The following TPTE variants were observed in gnomAD, a reference collection of about 807,000 sequenced individuals.
TPTE encodes the protein transmembrane phosphatase with tensin homology.
In TPTE, 59 loss-of-function variants were observed where a neutral mutation model predicts 84.1. That is an observed-to-expected ratio of 0.70 (90% CI 0.57 to 0.87). The LOEUF (loss-of-function observed/expected upper bound fraction) is 0.87, where lower values mean the gene tolerates loss of function less well. TPTE is among the 40% of genes least tolerant of loss of function. The pLI is 0.00. For synonymous variants in TPTE, 130 were observed against 223.5 expected (o/e 0.58, Z 3.73); for missense variants, 382 against 659.6 (o/e 0.58, Z 4.61).
At chr21:10,550,318 TA>T (rs1198762976) in intron 7 of TPTE, among the ~76,000 whole-genome samples, 205 of 152,308 alleles carry the variant, frequency 1.3e-3, no homozygotes, top group African/African-American at 4.8e-3. Context: ...AAGACCCCAC[TA>T]TATTTTATCT....
At chr21:10,601,065 T>A (rs1179876059) in intron 21 of TPTE, among the ~76,000 whole-genome samples, 4 of 152,430 alleles carry the variant, frequency 2.6e-5, no homozygotes, top group African/African-American at 9.6e-5. Flanking sequence ...TGAATGTCAA[T>A]GCTAGCTTTA....
At chr21:10,528,226 ATGT>A (rs1448661289) in intron 3 of TPTE, among the ~76,000 whole-genome samples, 1 of 152,250 alleles carries the variant, frequency 6.6e-6, no homozygotes, top group Non-Finnish European at 1.5e-5. Flanking sequence ...GTATACATTT[ATGT>A]TGTTTCTTAC....
chr21:10,572,364 A>G (rs2075061733), intron 14 of TPTE, among the ~76,000 whole-genome samples: 2 of 151,920 alleles, frequency 1.3e-5, no homozygotes, highest in African/African-American at 4.8e-5. Flanking sequence ...AATCACGAGA[A>G]TTGCTTAAAC....
intron 7 of TPTE, among the ~76,000 whole-genome samples, chr21:10,545,649 C>A (rs1336266544): frequency 6.6e-6 from 1 of 152,212 alleles, no homozygotes; most frequent in Non-Finnish European, 1.5e-5. Context: ...CACACACACA[C>A]ACATATAACA....
chr21:10,568,578 C>T (rs1231937101), intron 11 of TPTE, among the ~76,000 whole-genome samples: 1 of 152,312 alleles, frequency 6.6e-6, no homozygotes, highest in East Asian at 1.9e-4. Flanking sequence ...TTTTTGTACC[C>T]TAGCTTCCCT....
intron 3 of TPTE, among the ~76,000 whole-genome samples, chr21:10,529,182 T>TG (rs2074134054): frequency 1.1e-5 from 1 of 91,410 alleles, no homozygotes; most frequent in Non-Finnish European, 2.2e-5. Flanking sequence ...AAACTCTGTC[T>TG]CAAAAAAAAA....
intron 14 of TPTE, among the ~76,000 whole-genome samples, chr21:10,575,951 G>A (rs529798152): frequency 1.2e-4 from 19 of 152,390 alleles, no homozygotes; most frequent in African/African-American, 4.3e-4. Context: ...TGGGAAGGTT[G>A]CAGAGACAAA....
At chr21:10,528,383 A>G (rs1178226841) in intron 3 of TPTE, among the ~76,000 whole-genome samples, 1 of 152,306 alleles carries the variant, frequency 6.6e-6, no homozygotes, top group Non-Finnish European at 1.5e-5. Flanking sequence ...AGAATTATTC[A>G]TGGGAAAATA....
intron 7 of TPTE, among the ~76,000 whole-genome samples, chr21:10,548,141 C>G (rs1277459047): frequency 2.0e-5 from 3 of 152,310 alleles, no homozygotes; most frequent in East Asian, 3.8e-4. Flanking sequence ...ACCTGTATCT[C>G]AGACCTGAGA....
intron 7 of TPTE, among the ~76,000 whole-genome samples, chr21:10,549,895 A>G (rs1261850929): frequency 1.6e-4 from 24 of 152,274 alleles, no homozygotes; most frequent in Non-Finnish European, 3.2e-4. Context: ...AAATCAAAAG[A>G]CAAAGATTTT....
intron 3 of TPTE, among the ~76,000 whole-genome samples, chr21:10,538,225 C>T (rs1173435866): frequency 6.6e-6 from 1 of 152,312 alleles, no homozygotes; most frequent in Admixed American, 6.5e-5. Context: ...GTACTCAAAA[C>T]CCCAAATACC....
intron 7 of TPTE, among the ~76,000 whole-genome samples, chr21:10,551,228 T>A (rs982938152): frequency 4.0e-5 from 6 of 149,708 alleles, no homozygotes; most frequent in Admixed American, 1.4e-4. Flanking sequence ...TAGGTGGGAA[T>A]TGAACAATGA....
intron 19 of TPTE, among the ~76,000 whole-genome samples, chr21:10,593,415 G>A (rs1198362813): frequency 6.6e-6 from 1 of 152,308 alleles, no homozygotes; most frequent in African/African-American, 2.4e-5. Context: ...TTCAAACAAA[G>A]TCCACACATT....
In TPTE at chr21:10,521,705, GCC is replaced by G; in HGVS notation, c.-211+13_-211+14del. On this transcript the variant is annotated intron_variant, in intron 1 of 23. Transcript: ENST00000618007. ...AGCTCCGCGCCCGAGGTGAGCCCAGGCCCTAAGTCCTCCGGGCGGGGGTAGGG... is the reference window on the plus strand; with the variant it reads ...AGCTCCGCGCCCGAGGTGAGCCCAGGCTAAGTCCTCCGGGCGGGGGTAGGG... 1 of 150,888 alleles carries G rather than the reference GCC, an allele frequency of 6.6e-6. No homozygotes were observed. Among genetic ancestry groups the G allele is most frequent in the South Asian group, 2.2e-4 (1 of 4,608 alleles). The allele number at this position is 150,888 out of a possible 1,614,324, so 9.3% of individuals were successfully genotyped here.
intron 3 of TPTE, among the ~76,000 whole-genome samples, chr21:10,536,882 A>G (rs1385674303): frequency 1.3e-5 from 2 of 152,304 alleles, no homozygotes; most frequent in African/African-American, 2.4e-5. Flanking sequence ...AGAAAACCCT[A>G]TGCAGAGCAA....
At chr21:10,547,293 G>A (rs1235231135) in intron 7 of TPTE, among the ~76,000 whole-genome samples, 1 of 152,310 alleles carries the variant, frequency 6.6e-6, no homozygotes, top group Non-Finnish European at 1.5e-5. Context: ...GTCCTGGAGT[G>A]CAGCAAAGGA....
intron 3 of TPTE, among the ~76,000 whole-genome samples, chr21:10,537,217 A>G (rs1402565856): frequency 1.3e-5 from 2 of 152,312 alleles, no homozygotes; most frequent in African/African-American, 2.4e-5. Flanking sequence ...GCTGTATTCA[A>G]TTGTAAAGAA....
intron 3 of TPTE, among the ~76,000 whole-genome samples, chr21:10,533,651 A>G (rs1326771539): frequency 1.3e-5 from 2 of 152,308 alleles, no homozygotes; most frequent in East Asian, 3.8e-4. Flanking sequence ...GGCAGGAATT[A>G]TATAGTCAGT....
chr21:10,583,853 C>T (rs1270200390), intron 17 of TPTE, among the ~76,000 whole-genome samples: 1 of 152,310 alleles, frequency 6.6e-6, no homozygotes, highest in African/African-American at 2.4e-5. Flanking sequence ...TCTGACATTT[C>T]TCTTCTGTTC....
Sources: allele counts gnomAD v4.1 joint callset (sites outside exome capture counted in the v4.1 genomes callset), GRCh38; gene constraint gnomAD v4.1.1; transcripts MANE v1.5; gene names NCBI Gene and HGNC (gene_info 2026-07-23, HGNC 2026-07-21).